Variants in THADA observed in about 807,000 individuals in gnomAD.
THADA encodes the protein tRNA (32-2'-O)-methyltransferase regulator THADA.
In THADA, 213 loss-of-function variants were observed where a neutral mutation model predicts 219.8. The ratio of observed to expected loss-of-function variants is 0.97; its 90% CI spans 0.87 to 1.09. THADA has a LOEUF of 1.09. Among genes scored for constraint, THADA ranks in the 50% least tolerant of loss-of-function variants. THADA has a pLI of 0.00. For synonymous variants in THADA, 1,018 were observed against 828.9 expected (o/e 1.23, Z -3.92); for missense variants, 2,956 against 2,311.3 (o/e 1.28, Z -5.72).
chr2:43,276,511 T>C (rs908449062), intron 36 of THADA, among the ~76,000 whole-genome samples: 1 of 152,156 alleles, frequency 6.6e-6, no homozygotes, highest in East Asian at 1.9e-4. Flanking sequence ...AAGGATATGT[T>C]AGGGTGAGGA....
In THADA at chr2:43,578,515, A is replaced by C; in HGVS notation, c.814T>G (p.Leu272Val). Residue 272 changes from leucine (L) to valine (V), a missense_variant and splice_region_variant, in exon 9 of 38, where the codon TTG (leucine) becomes GTG (valine). By Grantham distance (32) the Leu-to-Val change is conservative (BLOSUM62 1). Transcript: ENST00000405975. The stretch of plus-strand genomic sequence containing the variant: ...TTCTAAAAAGGAGATGCACTTACCA[A>C]ATGAGGAATCTTTTCAGACGGGTGA... The part of the protein sequence containing the change: ...MFHPSEKIPH[L>V]ISSVLLRSVD... 6.2e-7 allele frequency: 1 copy of C among 1,606,664 alleles called. No homozygotes were observed. The highest frequency in any genetic ancestry group is 8.5e-7 in the Non-Finnish European group (1 of 1,173,884).
intron 15 of THADA, chr2:43,563,716 T>C (rs762595627): frequency 6.6e-6 from 1 of 152,202 alleles, no homozygotes; most frequent in Non-Finnish European, 1.5e-5. Flanking sequence ...GAAAGATGCA[T>C]GCAACTTATT....
chr2:43,527,750 T>G, intron 22 of THADA, 129 bp downstream of exon 22: 2 of 587,396 alleles, frequency 3.4e-6, no homozygotes, highest in Non-Finnish European at 5.8e-6. Context: ...AACAATTTCT[T>G]CCAAGAGTTT....
intron 36 of THADA, among the ~76,000 whole-genome samples, chr2:43,255,795 T>C (rs1196532628): frequency 2.6e-5 from 4 of 152,188 alleles, no homozygotes; most frequent in Admixed American, 1.3e-4. Flanking sequence ...TGACAGGACT[T>C]TGCTCAGCAA....
intron 17 of THADA, among the ~76,000 whole-genome samples, chr2:43,554,842 T>C (rs1047404374): frequency 2.6e-5 from 4 of 152,226 alleles, no homozygotes; most frequent in African/African-American, 9.6e-5. Context: ...TAAGTACTCC[T>C]TATCTGAAAT....
intron 30 of THADA, among the ~76,000 whole-genome samples, chr2:43,321,300 G>C (rs1678684785): frequency 6.6e-6 from 1 of 152,242 alleles, no homozygotes; most frequent in South Asian, 2.1e-4. Context: ...AGTAGGGACA[G>C]ACCTACAATT....
intron 20 of THADA, 94 bp from the exon 21 acceptor site, chr2:43,541,410 C>G: frequency 1.4e-6 from 2 of 1,429,654 alleles, no homozygotes; most frequent in East Asian, 4.6e-5. Flanking sequence ...CAAGAATAAT[C>G]TGCTTGAACA....
chr2:43,559,810 T>C (rs1020383794), intron 16 of THADA, among the ~76,000 whole-genome samples: 2 of 152,214 alleles, frequency 1.3e-5, no homozygotes, highest in Non-Finnish European at 2.9e-5. Flanking sequence ...ACATCCTCTC[T>C]ACCTCATTTA....
chr2:43,458,136 G>C (rs968509268), intron 26 of THADA, among the ~76,000 whole-genome samples: 3 of 152,158 alleles, frequency 2.0e-5, no homozygotes, highest in African/African-American at 7.2e-5. Flanking sequence ...AATTTAAATA[G>C]GGTTACTCAA....
chr2:43,572,769 AG>A (rs766601985), intron 12 of THADA, 44 bp downstream of exon 12: 6 of 1,564,112 alleles, frequency 3.8e-6, no homozygotes, highest in Non-Finnish European at 5.2e-6. Flanking sequence ...GCTACATGAA[AG>A]GGATCTACTG....
intron 35 of THADA, among the ~76,000 whole-genome samples, chr2:43,284,994 T>TTGGA (rs1673815341): frequency 1.3e-5 from 2 of 152,190 alleles, no homozygotes; most frequent in African/African-American, 4.8e-5. Flanking sequence ...TCTCTCCCAT[T>TTGGA]TGGAATGGGA....
At chr2:43,570,359 A>G in intron 14 of THADA, 29 bp downstream of exon 14, 1 of 1,566,640 alleles carries the variant, frequency 6.4e-7, no homozygotes, top group Non-Finnish European at 8.6e-7. Context: ...TTAAAAAAAA[A>G]CTCTCATGTT....
At chr2:43,461,590 T>A (rs139021312) in intron 26 of THADA, among the ~76,000 whole-genome samples, 15 of 152,274 alleles carry the variant, frequency 9.9e-5, no homozygotes, top group African/African-American at 2.6e-4. Context: ...TTCAGAAAAT[T>A]TAATTATAGG....
At chr2:43,521,078 G>C (rs1210947847) in intron 22 of THADA, among the ~76,000 whole-genome samples, 1 of 139,594 alleles carries the variant, frequency 7.2e-6, no homozygotes, top group Non-Finnish European at 1.6e-5. Flanking sequence ...GGATAGGAAG[G>C]GAAGGAAGGG....
intron 26 of THADA, among the ~76,000 whole-genome samples, chr2:43,481,946 G>C (rs966825386): frequency 9.2e-5 from 14 of 152,102 alleles, no homozygotes; most frequent in Non-Finnish European, 1.2e-4. Context: ...AATACACACA[G>C]GGGCTAAAAG....
At chr2:43,456,717 A>T (rs1476842122) in intron 26 of THADA, among the ~76,000 whole-genome samples, 1 of 152,082 alleles carries the variant, frequency 6.6e-6, no homozygotes, top group African/African-American at 2.4e-5. Flanking sequence ...TTACACACAC[A>T]TTGTTCTTTT....
intron 14 of THADA, among the ~76,000 whole-genome samples, 190 bp downstream of exon 14, chr2:43,570,198 C>T (rs1041013732): frequency 4.6e-5 from 7 of 152,128 alleles, no homozygotes; most frequent in Non-Finnish European, 7.4e-5. Context: ...TCCGGTACAG[C>T]ACTGGTTCCA....
rs762720760 is a variant in THADA, at chr2:43,293,095, G to A, written c.4557C>T (p.Leu1519=). ...VPGLPQYLQS[L]TRLAIAAVWA... is the part of the protein sequence containing the mutation. Reference sequence around the variant, plus strand: ...ACACTGCAGCAATGGCTAGTCTGGTGAGGCTCTGGAGGTACTGGGGCAGGC... The same window carrying A: ...ACACTGCAGCAATGGCTAGTCTGGTAAGGCTCTGGAGGTACTGGGGCAGGC... Residue 1519 remains leucine, a synonymous_variant, in exon 32 of 38, where the codon CTC becomes CTT. Transcript: ENST00000405975. The A allele has an allele frequency of 1.9e-6, 3 of 1,614,000 alleles. No homozygotes were observed. Among genetic ancestry groups the A allele is most frequent in the Admixed American group, 3.3e-5 (2 of 60,018 alleles).
chr2:43,499,495 G>A (rs796749861), intron 24 of THADA, among the ~76,000 whole-genome samples: 19 of 152,178 alleles, frequency 1.2e-4, no homozygotes, highest in African/African-American at 4.6e-4. Context: ...TCCTGCCTCA[G>A]CCTCCCGAGT....
Sources: gnomAD v4.1 joint callset for allele counts (sites outside exome capture counted in the v4.1 genomes callset) on GRCh38, gnomAD v4.1.1 for gene constraint, MANE v1.5 for transcripts, NCBI Gene and HGNC (gene_info 2026-07-23, HGNC 2026-07-21) for gene names.